SOX5: variants seen among roughly 807,000 people sequenced by gnomAD.
The protein encoded by SOX5 is SRY-box transcription factor 5.
Under a neutral mutation model 92.0 loss-of-function variants are expected in SOX5, and 9 were observed. The ratio of observed to expected loss-of-function variants is 0.10; its 90% CI spans 0.06 to 0.17. SOX5 has a LOEUF of 0.17. Among genes scored for constraint, SOX5 ranks in the 10% least tolerant of loss-of-function variants. The pLI is 1.00. For missense variants in SOX5, 642 were observed against 944.5 expected (o/e 0.68, Z 4.20); for synonymous variants, 344 against 336.3 (o/e 1.02, Z -0.25).
intron 2 of SOX5, among the ~76,000 whole-genome samples, chr12:23,871,868 C>T (rs1222562043): frequency 6.6e-6 from 1 of 152,086 alleles, no homozygotes; most frequent in African/African-American, 2.4e-5. Context: ...GATAAGTTGG[C>T]CCTGTCTATA....
chr12:23,731,129 G>A (rs533147025), intron 6 of SOX5, among the ~76,000 whole-genome samples: 1 of 152,166 alleles, frequency 6.6e-6, no homozygotes, highest in African/African-American at 2.4e-5. Context: ...TCAACTTCAG[G>A]CCCCTCATCT....
chr12:23,961,020 A>G (rs1946869249), intron 4 of SOX5, among the ~76,000 whole-genome samples: 1 of 152,168 alleles, frequency 6.6e-6, no homozygotes, highest in Admixed American at 6.5e-5. Context: ...ATCTAATTAA[A>G]CTACAAACTA....
intron 2 of SOX5, among the ~76,000 whole-genome samples, chr12:24,353,829 CA>C (rs753485297): frequency 1.3e-5 from 2 of 151,850 alleles, no homozygotes; most frequent in Non-Finnish European, 2.9e-5. Context: ...TTAGTAGAGA[CA>C]GGGTTTCACC....
chr12:23,614,126 G>A (rs1441990426), intron 8 of SOX5, among the ~76,000 whole-genome samples: 1 of 152,140 alleles, frequency 6.6e-6, no homozygotes, highest in Non-Finnish European at 1.5e-5. Context: ...TCTGAAGTGG[G>A]GGCCAGGATC....
chr12:23,551,030 T>C (rs1182320469), intron 11 of SOX5, among the ~76,000 whole-genome samples: 1 of 151,906 alleles, frequency 6.6e-6, no homozygotes, highest in Non-Finnish European at 1.5e-5. Flanking sequence ...CACAAAGAGA[T>C]AGGCTATGGA....
rs570737516 is a variant in SOX5 at position 24,368,852 on chromosome 12, C to T, written c.-250-213G>A. On this transcript the variant is annotated intron_variant, in intron 1 of 4. Transcript: ENST00000446891. The stretch of plus-strand genomic sequence containing the variant: ...AAAACTCCATTCTTGAGAATAATTG[C>T]TTCTAAATGGTTATTATATTACATA... 2.6e-5 allele frequency among the ~76,000 whole-genome samples: 4 copies of T among 152,250 alleles called. No individual in the cohort carries two copies. In the East Asian group the frequency reaches 7.7e-4, roughly 29 times the overall value.
intron 3 of SOX5, among the ~76,000 whole-genome samples, chr12:23,791,276 G>A (rs2095470917): frequency 6.6e-6 from 1 of 152,178 alleles, no homozygotes; most frequent in Non-Finnish European, 1.5e-5. Context: ...AACTATGCAA[G>A]TGTGCTTGAA....
chr12:23,910,375 C>T (rs1031692318), intron 1 of SOX5, among the ~76,000 whole-genome samples: 3 of 152,086 alleles, frequency 2.0e-5, no homozygotes, highest in Non-Finnish European at 2.9e-5. Context: ...CTAATTAATC[C>T]TTTCAAAATC....
At chr12:24,150,224 T>G (rs574794837) in intron 4 of SOX5, among the ~76,000 whole-genome samples, 1 of 152,298 alleles carries the variant, frequency 6.6e-6, no homozygotes, top group East Asian at 1.9e-4. Flanking sequence ...GTATGCTCCT[T>G]GCAACCTGGA....
intron 4 of SOX5, among the ~76,000 whole-genome samples, chr12:23,964,579 A>T (rs1457716959): frequency 2.0e-5 from 3 of 152,206 alleles, no homozygotes; most frequent in Non-Finnish European, 2.9e-5. Context: ...AAGACTGTCA[A>T]CCGTCTACAA....
chr12:24,229,197 C>A (rs1452654349), intron 3 of SOX5, among the ~76,000 whole-genome samples: 4 of 152,340 alleles, frequency 2.6e-5, no homozygotes, highest in African/African-American at 9.6e-5. Flanking sequence ...AGGGCAGCAA[C>A]TCCACCTAAC....
At chr12:24,431,472 A>C (rs1280624007) in intron 1 of SOX5, among the ~76,000 whole-genome samples, 1 of 152,212 alleles carries the variant, frequency 6.6e-6, no homozygotes, top group Non-Finnish European at 1.5e-5. Flanking sequence ...CCTATACCCA[A>C]GATATCACTA....
intron 3 of SOX5, among the ~76,000 whole-genome samples, chr12:24,265,159 T>G (rs1942824051): frequency 6.6e-6 from 1 of 152,194 alleles, no homozygotes; most frequent in Non-Finnish European, 1.5e-5. Flanking sequence ...AAAAACAATT[T>G]GTTCCTCTAG....
chr12:24,447,535 A>C (rs1007704675), intron 1 of SOX5, among the ~76,000 whole-genome samples: 2 of 152,226 alleles, frequency 1.3e-5, no homozygotes, highest in African/African-American at 4.8e-5. Flanking sequence ...ACTACGGAAA[A>C]AAAACTAAAG....
At chr12:24,030,817 A>G (rs1465359212) in intron 4 of SOX5, among the ~76,000 whole-genome samples, 2 of 152,028 alleles carry the variant, frequency 1.3e-5, no homozygotes, top group African/African-American at 4.8e-5. Flanking sequence ...AATATTTAAA[A>G]TATATCAGGA....
chr12:24,183,343 A>T (rs1955698366), intron 4 of SOX5, among the ~76,000 whole-genome samples: 1 of 152,210 alleles, frequency 6.6e-6, no homozygotes, highest in Non-Finnish European at 1.5e-5. Context: ...GTGCACGAAG[A>T]CACCATAATC....
At chr12:24,408,080 C>A (rs759472834) in intron 1 of SOX5, among the ~76,000 whole-genome samples, 3 of 151,980 alleles carry the variant, frequency 2.0e-5, no homozygotes, top group Non-Finnish European at 4.4e-5. Context: ...ATGTTCCAGA[C>A]GAGGAAATGG....
chr12:24,378,213 A>G (rs1298357491), intron 1 of SOX5, among the ~76,000 whole-genome samples: 2 of 152,222 alleles, frequency 1.3e-5, no homozygotes, highest in Non-Finnish European at 2.9e-5. Context: ...TTCCCTATCC[A>G]GGGATACTTT....
intron 7 of SOX5, among the ~76,000 whole-genome samples, chr12:23,643,389 G>A (rs1245190086): frequency 3.3e-5 from 5 of 152,188 alleles, no homozygotes; most frequent in African/African-American, 1.2e-4. Flanking sequence ...GATATTTTAA[G>A]TTTGAAATTA....
Sources: gnomAD v4.1 joint callset for allele counts (sites outside exome capture counted in the v4.1 genomes callset) on GRCh38, gnomAD v4.1.1 for gene constraint, MANE v1.5 for transcripts, NCBI Gene and HGNC (gene_info 2026-07-23, HGNC 2026-07-21) for gene names.